GPR158: variants seen among roughly 807,000 people sequenced by gnomAD.
GPR158 encodes metabotropic glycine receptor.
In GPR158, 30 loss-of-function variants were observed where a neutral mutation model predicts 78.2. That is an observed-to-expected ratio of 0.38 (90% CI 0.29 to 0.52). GPR158 has a LOEUF of 0.52. Among genes scored for constraint, GPR158 ranks in the 20% least tolerant of loss-of-function variants. The probability of loss-of-function intolerance (pLI) is 0.83; values close to 1 mark genes in which losing one functional copy is unlikely to be tolerated. For missense variants in GPR158, 1,463 were observed against 1,523.5 expected (o/e 0.96, Z 0.66); for synonymous variants, 581 against 591.1 (o/e 0.98, Z 0.25).
chr10:25,489,640 C>T (rs1428025239), intron 5 of GPR158, among the ~76,000 whole-genome samples: 1 of 152,106 alleles, frequency 6.6e-6, no homozygotes, highest in African/African-American at 2.4e-5. Context: ...TTTAGCTTCT[C>T]AATGTCCTCC....
At chr10:25,349,723 A>G (rs1307222116) in intron 2 of GPR158, among the ~76,000 whole-genome samples, 1 of 146,470 alleles carries the variant, frequency 6.8e-6, no homozygotes, top group African/African-American at 2.7e-5. Flanking sequence ...TATATTACGC[A>G]ATTTCAGGTA....
chr10:25,589,034 T>C lies in GPR158; in HGVS notation c.1781T>C (p.Val594Ala). The C allele has an allele frequency of 6.3e-7, 1 of 1,590,488 alleles. No homozygotes were observed. The highest frequency in any genetic ancestry group is 1.1e-5 in the South Asian group (1 of 87,224). Residue 594 changes from valine to alanine, a missense_variant, in exon 8 of 11, where the codon GTT (valine) becomes GCT (alanine). Coordinates refer to ENST00000376351, the MANE Select transcript of GPR158 (RefSeq NM_020752.3). ...GAATTTTTATTCCTCTTGTGGGGTG[T>C]TTATCTCTGCTATGCAGTGCGGACA... The part of the protein sequence containing the change: ...VAEFLFLLWG[V>A]YLCYAVRTVP...
intron 1 of GPR158, among the ~76,000 whole-genome samples, chr10:25,219,460 A>G (rs531980320): frequency 6.6e-6 from 1 of 152,328 alleles, no homozygotes; most frequent in South Asian, 2.1e-4. Context: ...CACAACAGTA[A>G]TATTTTGCAG....
At chr10:25,220,497 A>G (rs1853284055) in intron 1 of GPR158, among the ~76,000 whole-genome samples, 1 of 152,180 alleles carries the variant, frequency 6.6e-6, no homozygotes, top group Non-Finnish European at 1.5e-5. Context: ...TGTAGTCATC[A>G]TTTCTGTAGT....
chr10:25,540,945 AATATATATATATAT>A (rs57800341), intron 5 of GPR158, among the ~76,000 whole-genome samples: 1 of 82,922 alleles, frequency 1.2e-5, no homozygotes, highest in South Asian at 4.1e-4. Context: ...GTATAATAAA[AATATATATATATAT>A]ATATATATAT....
chr10:25,597,414 T>G (rs922211794), intron 10 of GPR158, among the ~76,000 whole-genome samples: 5 of 152,190 alleles, frequency 3.3e-5, no homozygotes, highest in African/African-American at 1.2e-4. Flanking sequence ...TGCTCCTTGA[T>G]GCAAGGTTAG....
chr10:25,388,186 G>A (rs1210898774), intron 2 of GPR158, among the ~76,000 whole-genome samples: 1 of 152,206 alleles, frequency 6.6e-6, no homozygotes, highest in Non-Finnish European at 1.5e-5. Flanking sequence ...ATTGTAAGCA[G>A]CTTCCTTATT....
At chr10:25,354,465 C>T (rs1218396488) in intron 2 of GPR158, among the ~76,000 whole-genome samples, 1 of 151,872 alleles carries the variant, frequency 6.6e-6, no homozygotes, top group Non-Finnish European at 1.5e-5. Context: ...AGCTCCATTC[C>T]CCGCTACATT....
At chr10:25,507,717 A>G (rs949450702) in intron 5 of GPR158, among the ~76,000 whole-genome samples, 2 of 152,234 alleles carry the variant, frequency 1.3e-5, no homozygotes, top group Non-Finnish European at 1.5e-5. Context: ...TTATTTTAAA[A>G]TAAAATTATC....
intron 2 of GPR158, among the ~76,000 whole-genome samples, chr10:25,269,979 T>C (rs1017211589): frequency 1.2e-4 from 19 of 152,152 alleles, no homozygotes; most frequent in Admixed American, 5.9e-4. Context: ...GCCTGGACTT[T>C]TGGCCTTTTA....
At chr10:25,398,393 T>C (rs1834396533) in intron 3 of GPR158, among the ~76,000 whole-genome samples, 1 of 152,220 alleles carries the variant, frequency 6.6e-6, no homozygotes, top group Non-Finnish European at 1.5e-5. Flanking sequence ...TTCACGTTTA[T>C]GGTCCAGACA....
intron 1 of GPR158, among the ~76,000 whole-genome samples, chr10:25,186,601 G>A (rs537895743): frequency 4.6e-5 from 7 of 152,198 alleles, no homozygotes; most frequent in African/African-American, 1.4e-4. Flanking sequence ...ACACCTCTAC[G>A]CAAATAAACT....
chr10:25,301,109 C>A (rs368112547), intron 2 of GPR158, among the ~76,000 whole-genome samples: 1 of 152,122 alleles, frequency 6.6e-6, no homozygotes, highest in South Asian at 2.1e-4. Context: ...GTTATACTTG[C>A]CATTCTTAAT....
chr10:25,557,670 G>C (rs2130718272), intron 6 of GPR158, among the ~76,000 whole-genome samples: 1 of 152,314 alleles, frequency 6.6e-6, no homozygotes, highest in South Asian at 2.1e-4. Flanking sequence ...TCTGCCATGA[G>C]TAGCTCCATT....
chr10:25,220,813 A>G (rs1029102874), intron 1 of GPR158, among the ~76,000 whole-genome samples: 2 of 152,216 alleles, frequency 1.3e-5, no homozygotes, highest in Non-Finnish European at 2.9e-5. Flanking sequence ...CCTATTATGT[A>G]CCAGGCATTA....
At chr10:25,320,361 G>T (rs1443228747) in intron 2 of GPR158, among the ~76,000 whole-genome samples, 4 of 152,184 alleles carry the variant, frequency 2.6e-5, no homozygotes, top group African/African-American at 9.7e-5. Context: ...TATTCATTAA[G>T]GAGCCAGGCA....
intron 7 of GPR158, among the ~76,000 whole-genome samples, chr10:25,580,004 C>T (rs1254637824): frequency 1.3e-5 from 2 of 152,216 alleles, no homozygotes; most frequent in Admixed American, 1.3e-4. Context: ...TCCCCCTACC[C>T]TCCACCTCTC....
intron 2 of GPR158, among the ~76,000 whole-genome samples, chr10:25,221,434 A>G (rs913764048): frequency 2.2e-4 from 33 of 152,228 alleles, no homozygotes; most frequent in African/African-American, 7.7e-4. Context: ...TGGAAATTTA[A>G]AATAGTCCTG....
rs538382402 is a variant in GPR158, at chr10:25,300,194, A to G, written c.1008+79037A>G. ...ATTGTGCTAGAATCAAGGTGTCAGC[A>G]GGGCTGCATTCCTTTTTGGAGGCTG... On this transcript the variant is annotated intron_variant, in intron 2 of 10. Coordinates refer to ENST00000376351, the MANE Select transcript of GPR158 (RefSeq NM_020752.3). 2.0e-5 allele frequency among the ~76,000 whole-genome samples: 3 copies of G among 152,354 alleles called. No homozygotes were observed. The East Asian group carries it at 5.8e-4, about 29-fold the overall frequency.
Sources: allele counts gnomAD v4.1 joint callset (sites outside exome capture counted in the v4.1 genomes callset), GRCh38; gene constraint gnomAD v4.1.1; transcripts MANE v1.5; gene names NCBI Gene and HGNC (gene_info 2026-07-23, HGNC 2026-07-21).